The following ARHGAP15 variants were observed in gnomAD, a reference collection of about 807,000 sequenced individuals.
ARHGAP15 encodes Rho GTPase activating protein 15.
A neutral mutation model predicts 63.7 loss-of-function variants in ARHGAP15; 51 were observed. The observed-to-expected ratio is 0.80, with a 90% CI of 0.64 to 1.01. The LOEUF is 1.01. ARHGAP15 is among the 50% of genes least tolerant of loss of function. The probability of loss-of-function intolerance (pLI) is 0.00; values close to 1 mark genes in which losing one functional copy is unlikely to be tolerated. For synonymous variants in ARHGAP15, 191 were observed against 193.8 expected, an observed-to-expected ratio of 0.99 and a Z score of 0.12; for missense variants, 560 against 564.6, an observed-to-expected ratio of 0.99 and a Z score of 0.08.
At chr2:143,323,894 CAAAAAAAAAAAAAAAA>C (rs55804357) in intron 6 of ARHGAP15, among the ~76,000 whole-genome samples, 3 of 26,170 alleles carry the variant, frequency 1.1e-4, no homozygotes, top group Admixed American at 8.0e-4. Context: ...GACTCCGTCT[CAAAAAAAAAAAAAAAA>C]AAAAAAAAAA....
At chr2:143,392,799 C>CT (rs2104972921) in intron 6 of ARHGAP15, among the ~76,000 whole-genome samples, 1 of 152,088 alleles carries the variant, frequency 6.6e-6, no homozygotes, top group South Asian at 2.1e-4. Context: ...TAATCTTGAC[C>CT]TTTGGGTGAC....
intron 12 of ARHGAP15, among the ~76,000 whole-genome samples, chr2:143,688,203 G>GT (rs113817865): frequency 0.17 from 25,523 of 151,958 alleles, 2,418 homozygotes; most frequent in South Asian, 0.31. Flanking sequence ...CCTCCACTCA[G>GT]TTTTTTCAAT....
chr2:143,642,271 T>A (rs1019551851), intron 12 of ARHGAP15, among the ~76,000 whole-genome samples: 1 of 152,034 alleles, frequency 6.6e-6, no homozygotes, highest in Non-Finnish European at 1.5e-5. Context: ...TTTTTTTATG[T>A]ATAAGAAGAG....
intron 4 of ARHGAP15, among the ~76,000 whole-genome samples, chr2:143,223,932 G>T (rs1373504226): frequency 6.6e-6 from 1 of 152,106 alleles, no homozygotes; most frequent in East Asian, 1.9e-4. Flanking sequence ...CAGAAGACTT[G>T]GTTTCCATGT....
intron 11 of ARHGAP15, among the ~76,000 whole-genome samples, chr2:143,565,677 CA>C: frequency 6.6e-6 from 1 of 152,252 alleles, no homozygotes; most frequent in South Asian, 2.1e-4. Context: ...TCTGTCTCAA[CA>C]AAACAAAGCT....
chr2:143,359,072 G>T (rs1413534074), intron 6 of ARHGAP15, among the ~76,000 whole-genome samples: 1 of 152,034 alleles, frequency 6.6e-6, no homozygotes, highest in Non-Finnish European at 1.5e-5. Context: ...ATAATAGTAT[G>T]ATATGAGAAA....
intron 6 of ARHGAP15, among the ~76,000 whole-genome samples, chr2:143,428,157 C>T (rs999849239): frequency 2.6e-4 from 39 of 151,866 alleles, no homozygotes; most frequent in African/African-American, 8.7e-4. Flanking sequence ...TTCAAAGAAG[C>T]CTTTACTGAA....
At chr2:143,630,872 T>C (rs988689068) in intron 12 of ARHGAP15, among the ~76,000 whole-genome samples, 1 of 152,120 alleles carries the variant, frequency 6.6e-6, no homozygotes, top group African/African-American at 2.4e-5. Context: ...TTTTAAAAGC[T>C]TAACTTTGAT....
chr2:143,386,839 A>T (rs867843282), intron 6 of ARHGAP15, among the ~76,000 whole-genome samples: 3 of 149,426 alleles, frequency 2.0e-5, no homozygotes, highest in East Asian at 1.9e-4. Context: ...TTGGTTGTTT[A>T]TTTTTTTTTT....
rs778707244 is a variant in ARHGAP15, at chr2:143,768,189, C to G, written c.*17C>G. On this transcript the variant is annotated 3_prime_UTR_variant, in exon 14 of 14. Transcript: ENST00000295095. The stretch of plus-strand genomic sequence containing the variant: ...GAAGACTGACAGACAAGACAAGCTA[C>G]TGAATACGTTCACATCTGTCTTGAT... The G allele has an allele frequency of 2.5e-6, 4 of 1,609,288 alleles. No individual in the cohort carries two copies. The highest frequency in any genetic ancestry group is 1.3e-5 in the African/African-American group (1 of 74,764).
At chr2:143,746,724 G>A (rs147480873) in intron 13 of ARHGAP15, among the ~76,000 whole-genome samples, 2 of 152,266 alleles carry the variant, frequency 1.3e-5, no homozygotes, top group African/African-American at 4.8e-5. Flanking sequence ...ATAACTTAGC[G>A]ATAAAAATAA....
At chr2:143,347,244 T>A (rs1248329904) in intron 6 of ARHGAP15, among the ~76,000 whole-genome samples, 1 of 152,158 alleles carries the variant, frequency 6.6e-6, no homozygotes, top group Non-Finnish European at 1.5e-5. Context: ...GTTAGCAGTA[T>A]TTTGTTAACA....
At chr2:143,715,793 AC>A (rs1473945853) in intron 13 of ARHGAP15, among the ~76,000 whole-genome samples, 2 of 151,940 alleles carry the variant, frequency 1.3e-5, no homozygotes, top group Non-Finnish European at 2.9e-5. Flanking sequence ...TGAAATCTTT[AC>A]CCGTGCCTAT....
chr2:143,628,695 T>C (rs147294313), intron 12 of ARHGAP15, among the ~76,000 whole-genome samples: 1 of 152,310 alleles, frequency 6.6e-6, no homozygotes, highest in East Asian at 1.9e-4. Flanking sequence ...ATGTGTCTAC[T>C]TTCTTGGTTA....
chr2:143,183,637 G>A (rs1202025308), intron 2 of ARHGAP15, among the ~76,000 whole-genome samples: 1 of 152,058 alleles, frequency 6.6e-6, no homozygotes, highest in South Asian at 2.1e-4. Context: ...GTTTCAGGCC[G>A]AGTGTGAGAA....
intron 8 of ARHGAP15, among the ~76,000 whole-genome samples, chr2:143,452,097 G>A (rs981361738): frequency 6.6e-6 from 1 of 151,948 alleles, no homozygotes; most frequent in East Asian, 1.9e-4. Context: ...ATATTCAGAT[G>A]AGAACTCAAA....
intron 2 of ARHGAP15, 94 bp from the exon 3 acceptor site, chr2:143,202,040 T>G: frequency 1.1e-6 from 1 of 948,610 alleles, no homozygotes; most frequent in South Asian, 1.3e-5. Flanking sequence ...ATTCACATGC[T>G]TGAATAACAC....
At chr2:143,239,976 G>A (rs774006902) in intron 5 of ARHGAP15, among the ~76,000 whole-genome samples, 1 of 112,804 alleles carries the variant, frequency 8.9e-6, no homozygotes, top group Non-Finnish European at 1.7e-5. Context: ...GGGTGATAGA[G>A]TGAGACTCTG....
rs11298875 is a variant in ARHGAP15, at chr2:143,755,274, TGG to T, written c.1245-12705_1245-12704del. On this transcript the variant is annotated intron_variant, in intron 13 of 13. Transcript: ENST00000295095. Reference sequence around the variant, plus strand: ...GCTCCCAATGCTTTGCCAGCATATATGGGGGGGGGGGATCTATACCAAATATC... The same window carrying T: ...GCTCCCAATGCTTTGCCAGCATATATGGGGGGGGGATCTATACCAAATATC... Among the ~76,000 whole-genome samples the T allele has an allele frequency of 1.4e-3, 184 of 134,324 alleles. 3 individuals are homozygous for T. In the South Asian group the frequency reaches 0.037, roughly 27 times the overall value. 88.1% of individuals were successfully genotyped at this position (134,324 alleles called of 152,430 possible). A position where few individuals can be genotyped will look rare whatever the true frequency, so the allele number is the denominator to read the frequency against.
Sources: gnomAD v4.1 joint callset for allele counts (sites outside exome capture counted in the v4.1 genomes callset) on GRCh38, gnomAD v4.1.1 for gene constraint, MANE v1.5 for transcripts, NCBI Gene and HGNC (gene_info 2026-07-23, HGNC 2026-07-21) for gene names.